The following CLASRP variants were observed in gnomAD, a reference collection of about 807,000 sequenced individuals.
CLASRP encodes the protein CLK4-associating serine/arginine rich protein.
In CLASRP, 52 loss-of-function variants were observed where a neutral mutation model predicts 99.9. The observed-to-expected ratio is 0.52, with a 90% CI of 0.42 to 0.66. CLASRP has a LOEUF of 0.66. Among genes scored for constraint, CLASRP ranks in the 30% least tolerant of loss-of-function variants. The probability of loss-of-function intolerance (pLI) is 0.00; values close to 1 mark genes in which losing one functional copy is unlikely to be tolerated. For missense variants in CLASRP, 848 were observed against 999.2 expected (o/e 0.85, Z 2.04); for synonymous variants, 379 against 373.0 (o/e 1.02, Z -0.18).
chr19:45,053,537 G>A (rs1187468377), intron 5 of CLASRP, among the ~76,000 whole-genome samples: 1 of 152,076 alleles, frequency 6.6e-6, no homozygotes, highest in East Asian at 1.9e-4. Context: ...GGAGTGCAGT[G>A]GTGTGATCTC....
chr19:45,043,195 T>G (rs1055724243), intron 2 of CLASRP, among the ~76,000 whole-genome samples: 11 of 134,690 alleles, frequency 8.2e-5, no homozygotes, highest in African/African-American at 2.5e-4. Context: ...AAGGAATACT[T>G]TGTGTGTGTG....
At chr19:45,063,788 G>A (rs1039608541) in intron 11 of CLASRP, among the ~76,000 whole-genome samples, 2 of 152,158 alleles carry the variant, frequency 1.3e-5, no homozygotes, top group Admixed American at 1.3e-4. Flanking sequence ...AATCAGAGCA[G>A]TTGTGTGTCA....
intron 11 of CLASRP, among the ~76,000 whole-genome samples, chr19:45,062,642 A>G (rs1966967236): frequency 6.6e-6 from 1 of 152,134 alleles, no homozygotes; most frequent in Non-Finnish European, 1.5e-5. Flanking sequence ...CAGCCTCCCA[A>G]AGTGCTGGGA....
rs532813530 is a variant in CLASRP at position 45,059,515 on chromosome 19, A to G, written c.710+151A>G. ...TTTACACATGCAGGTCCCTGAGCCT[A>G]TGGTGGTCGTGGCCCCACTTCATCT... On this transcript the variant is annotated intron_variant, in intron 8 of 20. Transcript: ENST00000221455. 5.9e-4 allele frequency: 407 copies of G among 689,788 alleles called. 2 individuals are homozygous for G. Among genetic ancestry groups the G allele is most frequent in the Middle Eastern group, 4.9e-3 (20 of 4,102 alleles). 42.7% of individuals were successfully genotyped at this position (689,788 alleles called of 1,614,324 possible). A position where few individuals can be genotyped will look rare whatever the true frequency, so the allele number is the denominator to read the frequency against.
At position 45,068,131 on chromosome 19, in the gene CLASRP, A is replaced by G. The variant is rs1967135705; in HGVS notation, c.1707+77A>G. On this transcript the variant is annotated intron_variant, in intron 15 of 20. Transcript: ENST00000221455. ...CAAGAGCTGGGCCCGGTGGGCCTGC[A>G]GGGGGGCCCGGGTGGGCTGGGAGAT... 10 of 1,308,032 alleles carry G rather than the reference A, an allele frequency of 7.6e-6. No individual in the cohort carries two copies. The South Asian group carries it at 1.1e-4, about 14-fold the overall frequency. The allele number at this position is 1,308,032 out of a possible 1,614,324, so 81.0% of individuals were successfully genotyped here. A position where few individuals can be genotyped will look rare whatever the true frequency, so the allele number is the denominator to read the frequency against.
chr19:45,045,871 T>G (rs1971907322), intron 2 of CLASRP, among the ~76,000 whole-genome samples: 1 of 152,050 alleles, frequency 6.6e-6, no homozygotes, highest in Non-Finnish European at 1.5e-5. Flanking sequence ...TGGATCCAGG[T>G]GGAGGGATGG....
Position 45,053,090 on chromosome 19 carries a change from C to A in CLASRP, c.300-8C>A, listed in dbSNP as rs776304763. 1.1e-5 allele frequency: 18 copies of A among 1,614,016 alleles called. No individual in the cohort carries two copies. The highest frequency in any genetic ancestry group is 1.5e-5 in the Non-Finnish European group (18 of 1,179,984). On this transcript the variant is annotated splice_region_variant and splice_polypyrimidine_tract_variant and intron_variant, in intron 4 of 20. Transcript: ENST00000221455. ...TCTCTGATTTCAAGGTCTCGCCCTTCCCTAAAGCTCCCCAGAACAGGAGTC... is the reference window on the plus strand; with the variant it reads ...TCTCTGATTTCAAGGTCTCGCCCTTACCTAAAGCTCCCCAGAACAGGAGTC...
intron 3 of CLASRP, 49 bp from the exon 4 acceptor site, chr19:45,052,742 G>T (rs762622528): frequency 2.2e-6 from 3 of 1,377,126 alleles, no homozygotes; most frequent in African/African-American, 1.4e-5. Context: ...TGTGTCCTGG[G>T]CAGTATGGAC....
intron 2 of CLASRP, among the ~76,000 whole-genome samples, chr19:45,045,751 T>C (rs1345114463): frequency 6.6e-6 from 1 of 152,090 alleles, no homozygotes; most frequent in Non-Finnish European, 1.5e-5. Context: ...TTCGATGTTG[T>C]TGGAGTGTTG....
intron 10 of CLASRP, 99 bp from the exon 11 acceptor site, chr19:45,062,055 T>C (rs1220595009): frequency 3.7e-6 from 3 of 801,756 alleles, no homozygotes; most frequent in Non-Finnish European, 6.6e-6. Context: ...CTGTGCCAGG[T>C]ACCTAGCTTT....
intron 13 of CLASRP, among the ~76,000 whole-genome samples, chr19:45,065,122 G>A (rs1287678422): frequency 2.0e-5 from 3 of 152,072 alleles, no homozygotes; most frequent in Non-Finnish European, 2.9e-5. Context: ...GCCTGGCGTG[G>A]TGGCTCACAC....
chr19:45,047,636 G>C (rs533158412), intron 2 of CLASRP: 14 of 152,260 alleles, frequency 9.2e-5, no homozygotes, highest in East Asian at 3.8e-4. Context: ...GACAGGGATG[G>C]GGGGAGGAGG....
At chr19:45,049,939 C>A (rs1245235335) in intron 2 of CLASRP, among the ~76,000 whole-genome samples, 1 of 152,164 alleles carries the variant, frequency 6.6e-6, no homozygotes, top group Non-Finnish European at 1.5e-5. Flanking sequence ...ATATGAATTA[C>A]TTCTCAATAA....
In CLASRP at chr19:45,057,944, G is replaced by A. The variant is rs543323862; in HGVS notation, c.613+46G>A. The A allele has an allele frequency of 2.1e-5, 34 of 1,610,026 alleles. No homozygotes were observed. The East Asian group carries it at 4.0e-4, about 19-fold the overall frequency. ...TCCCCACCTGCAGTCCCTGGGCATC[G>A]TTTCTGTGTCTCGTCCCTCACCCTC... On this transcript the variant is annotated intron_variant, in intron 7 of 20. Coordinates refer to ENST00000221455, the MANE Select transcript of CLASRP (RefSeq NM_007056.3).
chr19:45,052,001 C>G, intron 2 of CLASRP, 70 bp from the exon 3 acceptor site: 1 of 1,192,826 alleles, frequency 8.4e-7, no homozygotes. Flanking sequence ...CTGCTAAGCT[C>G]GGTTGTGTGT....
At chr19:45,047,325 T>C (rs2122540546) in intron 2 of CLASRP, 1 of 151,500 alleles carries the variant, frequency 6.6e-6, no homozygotes, top group African/African-American at 2.4e-5. Flanking sequence ...TAGTTAAACC[T>C]TGCTTGAGCC....
At position 45,052,132 on chromosome 19, in the gene CLASRP, C is replaced by G. The variant is rs1364689101; in HGVS notation, c.161C>G (p.Ser54Cys). 6.2e-7 allele frequency: 1 copy of G among 1,613,946 alleles called. No individual in the cohort carries two copies. The highest frequency in any genetic ancestry group is 1.1e-5 in the South Asian group (1 of 91,090). ...HGRACKVHLD[S>C]AVALAAESPV... Reference sequence around the variant, plus strand: ...CGAGCTTGCAAGGTGCACCTGGATTCTGCAGTCGCCCTGGCCGCTGAGAGC... The same window carrying G: ...CGAGCTTGCAAGGTGCACCTGGATTGTGCAGTCGCCCTGGCCGCTGAGAGC... Residue 54 changes from serine to cysteine, a missense_variant, in exon 3 of 21, where the codon TCT (serine) becomes TGT (cysteine). Physicochemically the swap from Ser to Cys is moderately radical, Grantham distance 112. Around this residue, in one of 8 missense-constraint regions of CLASRP, gnomAD observed 46 missense variants for 96.8 expected, o/e 0.48. Coordinates refer to ENST00000221455, the MANE Select transcript of CLASRP (RefSeq NM_007056.3).
chr19:45,067,329 A>G lies in CLASRP; in HGVS notation c.1410-8A>G, dbSNP rs1967108778. 6.7e-7 allele frequency: 1 copy of G among 1,499,586 alleles called. No homozygotes were observed. The highest frequency in any genetic ancestry group is 8.9e-7 in the Non-Finnish European group (1 of 1,128,524). 92.9% of individuals were successfully genotyped at this position (1,499,586 alleles called of 1,614,324 possible). A position where few individuals can be genotyped will look rare whatever the true frequency, so the allele number is the denominator to read the frequency against. ...CACAGTCCTCCTCCCGCCCTGCTGC[A>G]TCCCCAGGAGCCGCTCCCACTCAGG... On this transcript the variant is annotated splice_region_variant and splice_polypyrimidine_tract_variant and intron_variant, in intron 13 of 20. Coordinates refer to ENST00000221455, the MANE Select transcript of CLASRP (RefSeq NM_007056.3). This position sits in a 1 kb window ranked among gnomAD's most constrained non-coding sequence, Gnocchi z 4.9.
At chr19:45,057,707 C>T (rs939444324) in intron 6 of CLASRP, 43 bp from the exon 7 acceptor site, 3 of 1,609,548 alleles carry the variant, frequency 1.9e-6, no homozygotes, top group South Asian at 2.2e-5. Context: ...GGGCCCTCAT[C>T]TCCACTGGGC....
Sources: allele counts gnomAD v4.1 joint callset (sites outside exome capture counted in the v4.1 genomes callset), GRCh38; gene constraint gnomAD v4.1.1; regional missense constraint gnomAD v4.1.1; non-coding constraint Gnocchi (gnomAD v3.1); transcripts MANE v1.5; gene names NCBI Gene and HGNC (gene_info 2026-07-23, HGNC 2026-07-21).